Variants in SGCB observed in about 807,000 individuals in gnomAD.
The protein encoded by SGCB is sarcoglycan beta.
In SGCB, 25 loss-of-function variants were observed where a neutral mutation model predicts 27.3. The ratio of observed to expected loss-of-function variants is 0.92; its 90% CI spans 0.67 to 1.28. SGCB has a LOEUF of 1.28. Among genes scored for constraint, SGCB ranks in the 50% most tolerant of loss-of-function variants. The probability of loss-of-function intolerance (pLI) is 0.00; values close to 1 mark genes in which losing one functional copy is unlikely to be tolerated. For missense variants in SGCB, 436 were observed against 402.1 expected (o/e 1.08, Z -0.72); for synonymous variants, 147 against 133.5 (o/e 1.10, Z -0.70).
rs886059435 is a variant in SGCB, at chr4:52,023,288, A to C, written c.*669T>G. 1.3e-5 allele frequency: 2 copies of C among 152,582 alleles called. No individual in the cohort carries two copies. The allele number at this position is 152,582 out of a possible 1,614,324, so 9.5% of individuals were successfully genotyped here. A position where few individuals can be genotyped will look rare whatever the true frequency, so the allele number is the denominator to read the frequency against. On this transcript the variant is annotated 3_prime_UTR_variant, in exon 6 of 6. Coordinates refer to ENST00000381431, the MANE Select transcript of SGCB (RefSeq NM_000232.5). ...CTAGGATGTAGAAGATGCTCAATAAAGATAGTTATCATTATTATTTAAAAG... is the reference window on the plus strand; with the variant it reads ...CTAGGATGTAGAAGATGCTCAATAACGATAGTTATCATTATTATTTAAAAG...
intron 5 of SGCB, among the ~76,000 whole-genome samples, chr4:52,026,451 G>A (rs1271617086): frequency 6.6e-6 from 1 of 151,840 alleles, no homozygotes; most frequent in African/African-American, 2.4e-5. Flanking sequence ...TAGAGACGGG[G>A]TTTCGCCATG....
Position 52,022,089 on chromosome 4 carries a change from T to G in SGCB, c.*1868A>C, listed in dbSNP as rs183468357. ...GAATAAAAATTTCGGCATTTTTTTCTGAATTCAGACATTAAATGATACTGA... is the reference window on the plus strand; with the variant it reads ...GAATAAAAATTTCGGCATTTTTTTCGGAATTCAGACATTAAATGATACTGA... On this transcript the variant is annotated 3_prime_UTR_variant, in exon 6 of 6. Transcript: ENST00000381431. 2 of 152,362 alleles carry G rather than the reference T, an allele frequency of 1.3e-5. No individual in the cohort carries two copies. Among genetic ancestry groups the G allele is most frequent in the African/African-American group, 4.8e-5 (2 of 41,590 alleles). 9.4% of individuals were successfully genotyped at this position (152,362 alleles called of 1,614,324 possible).
In SGCB at chr4:52,023,936, T is replaced by C; in HGVS notation, c.*21A>G. The C allele has an allele frequency of 4.4e-6, 7 of 1,600,334 alleles. No homozygotes were observed. Among genetic ancestry groups the C allele is most frequent in the Non-Finnish European group, 6.0e-6 (7 of 1,167,570 alleles). ...AAAGTCAAGTCAAGATATAAACATGTTGGTGACCTCTGGGGTTCTTTTAAT... is the reference window on the plus strand; with the variant it reads ...AAAGTCAAGTCAAGATATAAACATGCTGGTGACCTCTGGGGTTCTTTTAAT... On this transcript the variant is annotated 3_prime_UTR_variant, in exon 6 of 6. Coordinates refer to ENST00000381431, the MANE Select transcript of SGCB (RefSeq NM_000232.5).
At chr4:52,036,964 A>T (rs1156492564) in intron 1 of SGCB, among the ~76,000 whole-genome samples, 1 of 152,168 alleles carries the variant, frequency 6.6e-6, no homozygotes, top group East Asian at 1.9e-4. Flanking sequence ...GCCTATGGAA[A>T]ATTCAGTTAA....
In SGCB at chr4:52,031,394, GTGTGTGTGTGTA is replaced by G. The variant is rs1207375591; in HGVS notation, c.244-1543_244-1532del. ...TCTACCCACCCACCCATTCATCTCTGTGTGTGTGTGTATGTGTGTGTGTGTGTGTGTGTGTGT... is the reference window on the plus strand; with the variant it reads ...TCTACCCACCCACCCATTCATCTCTGTGTGTGTGTGTGTGTGTGTGTGTGT... On this transcript the variant is annotated intron_variant, in intron 2 of 5. Transcript: ENST00000381431. 2.7e-3 allele frequency among the ~76,000 whole-genome samples: 124 copies of G among 45,474 alleles called. 1 individual carries two copies. The highest frequency in any genetic ancestry group is 4.9e-3 in the African/African-American group (115 of 23,344). 29.8% of individuals were successfully genotyped at this position (45,474 alleles called of 152,430 possible). A position where few individuals can be genotyped will look rare whatever the true frequency, so the allele number is the denominator to read the frequency against.
At chr4:52,024,698 G>A (rs1442798860) in intron 5 of SGCB, among the ~76,000 whole-genome samples, 1 of 151,752 alleles carries the variant, frequency 6.6e-6, no homozygotes, top group East Asian at 1.9e-4. Flanking sequence ...CGTGGTGGTG[G>A]GCACCTGTAG....
At chr4:52,035,866 G>C (rs1737376900) in intron 1 of SGCB, among the ~76,000 whole-genome samples, 1 of 152,176 alleles carries the variant, frequency 6.6e-6, no homozygotes, top group Non-Finnish European at 1.5e-5. Flanking sequence ...ATAAAAGAGA[G>C]AAAGGACAAA....
chr4:52,027,919 T>C lies in SGCB; in HGVS notation c.753+49A>G, dbSNP rs765533898. 10 of 1,537,344 alleles carry C rather than the reference T, an allele frequency of 6.5e-6. No individual in the cohort carries two copies. In the African/African-American group the frequency reaches 1.1e-4, roughly 17 times the overall value. On this transcript the variant is annotated intron_variant, in intron 5 of 5. Coordinates refer to ENST00000381431, the MANE Select transcript of SGCB (RefSeq NM_000232.5). ...GTATACTATTCCACATATGGATTTA[T>C]GTACCCAAGAACCTAATAATTCTCT...
At chr4:52,032,058 G>T in intron 2 of SGCB, 2 of 427,256 alleles carry the variant, frequency 4.7e-6, no homozygotes, top group Non-Finnish European at 9.3e-6. Context: ...CTACCCTCCA[G>T]TATCCGCAGG....
intron 5 of SGCB, among the ~76,000 whole-genome samples, chr4:52,027,467 ATTGT>A (rs999586550): frequency 3.3e-5 from 5 of 151,682 alleles, no homozygotes; most frequent in African/African-American, 1.2e-4. Context: ...AAATTTGCTA[ATTGT>A]TTTTTTTCAC....
chr4:52,029,704 A>G lies in SGCB; in HGVS notation c.403T>C (p.Leu135=), dbSNP rs1737198985. Residue 135 remains leucine, a synonymous_variant, in exon 3 of 6, where the codon TTG becomes CTG. Coordinates refer to ENST00000381431, the MANE Select transcript of SGCB (RefSeq NM_000232.5). ...GGCTGGTTGTTGCCAGTGATGACCAAATTTTCATTTCGCCTTCCTCCTACT... is the reference window on the plus strand; with the variant it reads ...GGCTGGTTGTTGCCAGTGATGACCAGATTTTCATTTCGCCTTCCTCCTACT... ...STVGGRRNEN[L]VITGNNQPIV... is the part of the protein sequence containing the mutation. The G allele has an allele frequency of 2.5e-6, 4 of 1,613,682 alleles. No homozygotes were observed. The highest frequency in any genetic ancestry group is 2.5e-6 in the Non-Finnish European group (3 of 1,179,768).
intron 2 of SGCB, among the ~76,000 whole-genome samples, chr4:52,030,568 A>G (rs1176871902): frequency 6.6e-6 from 1 of 152,140 alleles, no homozygotes; most frequent in South Asian, 2.1e-4. Flanking sequence ...CTCTCAATAC[A>G]ATTTTCTGTA....
At chr4:52,031,991 G>T (rs765493670) in intron 2 of SGCB, 1 of 455,668 alleles carries the variant, frequency 2.2e-6, no homozygotes, top group Non-Finnish European at 4.4e-6. Context: ...AAAAGAGAGC[G>T]TGGGAAAGGG....
At chr4:52,027,703 A>G (rs1228818797) in intron 5 of SGCB, among the ~76,000 whole-genome samples, 1 of 151,824 alleles carries the variant, frequency 6.6e-6, no homozygotes, top group Non-Finnish European at 1.5e-5. Context: ...ATAATCTGTT[A>G]TCTTGCTATC....
chr4:52,037,185 T>C (rs2109379518), intron 1 of SGCB, among the ~76,000 whole-genome samples: 1 of 152,282 alleles, frequency 6.6e-6, no homozygotes, highest in East Asian at 1.9e-4. Flanking sequence ...TTTCACTCAT[T>C]CCTCTATGTT....
chr4:52,031,392 CTGTGTGTGTGTGTATGTGTGTGTGTGTG>C (rs1174448588), intron 2 of SGCB, among the ~76,000 whole-genome samples: 1 of 140,152 alleles, frequency 7.1e-6, no homozygotes, highest in Non-Finnish European at 1.5e-5. Context: ...CCATTCATCT[CTGTGTGTGTGTGTATGTGTGTGTGTGTG>C]TGTGTGTGTG....
intron 1 of SGCB, among the ~76,000 whole-genome samples, chr4:52,035,072 C>A (rs1019237555): frequency 6.6e-6 from 1 of 152,148 alleles, no homozygotes; most frequent in Non-Finnish European, 1.5e-5. Flanking sequence ...CTGACCTAGA[C>A]TATGGTTGAA....
At chr4:52,026,183 A>G (rs1219381654) in intron 5 of SGCB, among the ~76,000 whole-genome samples, 1 of 150,392 alleles carries the variant, frequency 6.6e-6, no homozygotes, top group East Asian at 1.9e-4. Flanking sequence ...TAGTTTTCCA[A>G]TTTGTTCCAA....
chr4:52,036,626 G>A (rs1345906075), intron 1 of SGCB, among the ~76,000 whole-genome samples: 1 of 152,180 alleles, frequency 6.6e-6, no homozygotes, highest in Non-Finnish European at 1.5e-5. Flanking sequence ...TGAAGCTGAA[G>A]TCTGGGGAAA....
Sources: gnomAD v4.1 joint callset for allele counts (sites outside exome capture counted in the v4.1 genomes callset) on GRCh38, gnomAD v4.1.1 for gene constraint, MANE v1.5 for transcripts, NCBI Gene and HGNC (gene_info 2026-07-23, HGNC 2026-07-21) for gene names.